Variants in TXNDC9 observed in about 807,000 individuals in gnomAD.
TXNDC9 encodes the protein thioredoxin domain-containing protein 9.
In TXNDC9, 7 loss-of-function variants were observed where a neutral mutation model predicts 23.0. The observed-to-expected ratio is 0.30, with a 90% CI of 0.17 to 0.57. The LOEUF is 0.57. Among genes scored for constraint, TXNDC9 ranks in the 20% least tolerant of loss-of-function variants. TXNDC9 has a pLI of 0.90. For missense variants in TXNDC9, 198 were observed against 252.6 expected, an observed-to-expected ratio of 0.78 and a Z score of 1.47; for synonymous variants, 72 against 90.6, an observed-to-expected ratio of 0.79 and a Z score of 1.17.
intron 1 of TXNDC9, among the ~76,000 whole-genome samples, chr2:99,335,011 G>A (rs894642470): frequency 3.9e-5 from 6 of 152,114 alleles, no homozygotes; most frequent in African/African-American, 1.2e-4. Context: ...AGCCGCGCCC[G>A]GCCAAAATTT....
downstream of TXNDC9, among the ~76,000 whole-genome samples, chr2:99,316,403 C>T (rs1222413231): frequency 4.1e-5 from 6 of 146,722 alleles, no homozygotes; most frequent in Non-Finnish European, 7.6e-5. Flanking sequence ...GAACTCCTGG[C>T]CTCAAGCACT....
At chr2:99,332,912 T>A in intron 2 of TXNDC9, 110 bp downstream of exon 2, 2 of 959,174 alleles carry the variant, frequency 2.1e-6, no homozygotes, top group South Asian at 3.3e-5. Context: ...TTCTGAATTT[T>A]AAAAACCCTA....
chr2:99,312,474 G>C, the TXNDC9 span, among the ~76,000 whole-genome samples: 181 of 147,414 alleles, frequency 1.2e-3, no homozygotes, highest in African/African-American at 4.1e-3. Context: ...TACAGCCTGG[G>C]CAACAGAATG....
downstream of TXNDC9, among the ~76,000 whole-genome samples, chr2:99,318,643 G>A (rs138954220): frequency 1.3e-3 from 204 of 152,270 alleles, no homozygotes; most frequent in African/African-American, 4.6e-3. Flanking sequence ...CTCCTTGCAT[G>A]GAACCTTCAC....
At chr2:99,325,852 A>G (rs2094211805) in intron 3 of TXNDC9, among the ~76,000 whole-genome samples, 1 of 152,054 alleles carries the variant, frequency 6.6e-6, no homozygotes, top group Non-Finnish European at 1.5e-5. Context: ...CTCTACTAAA[A>G]AGACAAAAGT....
chr2:99,336,196 C>T, intron 1 of TXNDC9, 43 bp downstream of exon 1: 3 of 985,148 alleles, frequency 3.0e-6, no homozygotes, highest in East Asian at 1.1e-4. Flanking sequence ...TCACCAGCAC[C>T]CGGACGTGGT....
chr2:99,309,650 A>G, the TXNDC9 span, among the ~76,000 whole-genome samples: 1 of 151,978 alleles, frequency 6.6e-6, no homozygotes, highest in Non-Finnish European at 1.5e-5. Flanking sequence ...CCTGGCCGAC[A>G]TGGTTTATCT....
chr2:99,319,848 T>G, intron 4 of TXNDC9, 49 bp from the exon 5 acceptor site: 97 of 1,079,410 alleles, frequency 9.0e-5, no homozygotes, highest in Non-Finnish European at 1.2e-4. Context: ...AGTACTAGTA[T>G]ACTAAACTGC....
At chr2:99,329,171 C>A (rs2094219508) in intron 2 of TXNDC9, among the ~76,000 whole-genome samples, 1 of 152,146 alleles carries the variant, frequency 6.6e-6, no homozygotes, top group East Asian at 1.9e-4. Flanking sequence ...TGCAATATAT[C>A]CATAATTCTG....
chr2:99,331,509 C>CAAA (rs1331778345), intron 2 of TXNDC9, among the ~76,000 whole-genome samples: 1 of 54,768 alleles, frequency 1.8e-5, no homozygotes, highest in African/African-American at 6.8e-5. Context: ...GACTCCCTCT[C>CAAA]AAAAAAAAAA....
At chr2:99,330,421 A>T (rs2094222120) in intron 2 of TXNDC9, among the ~76,000 whole-genome samples, 3 of 150,880 alleles carry the variant, frequency 2.0e-5, no homozygotes, top group Admixed American at 1.3e-4. Context: ...CCCATTCCAA[A>T]CCTCTACCAA....
At chr2:99,334,185 T>C (rs549476986) in intron 1 of TXNDC9, among the ~76,000 whole-genome samples, 11 of 152,316 alleles carry the variant, frequency 7.2e-5, no homozygotes, top group African/African-American at 2.6e-4. Flanking sequence ...ACCCTGTCTC[T>C]ACTAAAAATA....
chr2:99,315,379 T>G (rs2094186886), downstream of TXNDC9, among the ~76,000 whole-genome samples: 1 of 152,206 alleles, frequency 6.6e-6, no homozygotes, highest in South Asian at 2.1e-4. Context: ...TACTCATTTT[T>G]TAAATTGGGT....
At chr2:99,314,487 T>C (rs564817822), downstream of TXNDC9, among the ~76,000 whole-genome samples, 3 of 150,680 alleles carry the variant, frequency 2.0e-5, no homozygotes, top group South Asian at 6.3e-4. Context: ...GGTTTTAAAG[T>C]GTACAGGAGA....
At chr2:99,317,017 A>G (rs544998014), downstream of TXNDC9, among the ~76,000 whole-genome samples, 4 of 152,096 alleles carry the variant, frequency 2.6e-5, no homozygotes, top group Non-Finnish European at 5.9e-5. Flanking sequence ...TGGCCTCCCA[A>G]AGTGCTGGGA....
chr2:99,331,701 G>C lies in TXNDC9; in HGVS notation c.189+1321C>G, dbSNP rs568825742. Among the ~76,000 whole-genome samples, 3 of 152,202 alleles carry C rather than the reference G, an allele frequency of 2.0e-5. No individual in the cohort carries two copies. In the South Asian group the frequency reaches 6.2e-4, roughly 32 times the overall value. ...AACATGAGGGTGTAAACATATCAAAGTGATGCTACAGCAATACAAACAAAA... is the reference window on the plus strand; with the variant it reads ...AACATGAGGGTGTAAACATATCAAACTGATGCTACAGCAATACAAACAAAA... On this transcript the variant is annotated intron_variant, in intron 2 of 4. Transcript: ENST00000264255.
At chr2:99,312,066 A>C in the TXNDC9 span, among the ~76,000 whole-genome samples, 3 of 152,156 alleles carry the variant, frequency 2.0e-5, no homozygotes, top group Admixed American at 2.0e-4. Context: ...AAGGGGCAGA[A>C]AGTAGGGATG....
At chr2:99,315,849 T>G (rs1470157622), downstream of TXNDC9, among the ~76,000 whole-genome samples, 1 of 152,220 alleles carries the variant, frequency 6.6e-6, no homozygotes, top group Non-Finnish European at 1.5e-5. Flanking sequence ...TCTTTATGCC[T>G]GTCTTATAAT....
chr2:99,323,807 G>A (rs1039493701), intron 3 of TXNDC9, among the ~76,000 whole-genome samples: 1 of 152,020 alleles, frequency 6.6e-6, no homozygotes, highest in Non-Finnish European at 1.5e-5. Flanking sequence ...CTTTTAGACC[G>A]GTGGTTCTTA....
Sources: allele counts gnomAD v4.1 joint callset (sites outside exome capture counted in the v4.1 genomes callset), GRCh38; gene constraint gnomAD v4.1.1; transcripts MANE v1.5; gene names NCBI Gene and HGNC (gene_info 2026-07-23, HGNC 2026-07-21).